Variants in ANO3 observed in about 807,000 individuals in gnomAD.
ANO3 encodes the protein anoctamin 3.
Under a neutral mutation model 144.8 loss-of-function variants are expected in ANO3, and 99 were observed. The ratio of observed to expected loss-of-function variants is 0.68; its 90% CI spans 0.58 to 0.81. The LOEUF (loss-of-function observed/expected upper bound fraction) is 0.81, where lower values mean the gene tolerates loss of function less well. Ranked by LOEUF, ANO3 falls within the 30% of genes least tolerant of loss-of-function variation. The pLI is 0.00. For synonymous variants in ANO3, 414 were observed against 392.6 expected (o/e 1.05, Z -0.64); for missense variants, 905 against 1,202.2 (o/e 0.75, Z 3.66).
upstream of ANO3, among the ~76,000 whole-genome samples, chr11:26,308,840 A>T (rs1182591100): frequency 6.6e-6 from 1 of 152,236 alleles, no homozygotes; most frequent in Non-Finnish European, 1.5e-5. Flanking sequence ...ATGAACCAGG[A>T]TCTATCCCAG....
rs532137407 is a variant in ANO3, at chr11:26,421,270, A to T, written c.47-20648A>T. On this transcript the variant is annotated intron_variant, in intron 1 of 26. Transcript: ENST00000256737. ...CTAAAATGGCTACATAGCTCAAGTA[A>T]TCACTCAGAAATACTCTTTTCAAGA... Among the ~76,000 whole-genome samples the T allele has an allele frequency of 3.5e-3, 530 of 152,204 alleles. 6 individuals carry two copies. Among genetic ancestry groups the T allele is most frequent in the African/African-American group, 0.012 (517 of 41,574 alleles).
chr11:26,384,700 A>C (rs1334922235), intron 1 of ANO3, among the ~76,000 whole-genome samples: 1 of 152,180 alleles, frequency 6.6e-6, no homozygotes, highest in Non-Finnish European at 1.5e-5. Context: ...AGGCCAAGCC[A>C]CCACAATTTT....
At chr11:26,599,992 G>A (rs755967488) in intron 17 of ANO3, among the ~76,000 whole-genome samples, 4 of 152,040 alleles carry the variant, frequency 2.6e-5, no homozygotes, top group Admixed American at 6.6e-5. Context: ...TATCTCGTGT[G>A]TGCTAGAGAT....
At chr11:26,213,967 A>T (rs920907855) in intron 1 of ANO3, among the ~76,000 whole-genome samples, 1 of 151,976 alleles carries the variant, frequency 6.6e-6, no homozygotes, top group Non-Finnish European at 1.5e-5. Context: ...GTATTTATTG[A>T]TGTGATTTCT....
chr11:26,598,737 G>T, intron 15 of ANO3, 121 bp from the exon 16 acceptor site: 1 of 905,346 alleles, frequency 1.1e-6, no homozygotes. Context: ...TTAAAAGGTT[G>T]CTTTATTGTG....
chr11:26,309,156 C>T (rs1427542546), upstream of ANO3, among the ~76,000 whole-genome samples: 2 of 152,054 alleles, frequency 1.3e-5, no homozygotes, highest in African/African-American at 4.8e-5. Flanking sequence ...AGTAGACTTT[C>T]CATTGACTTG....
At chr11:26,407,911 A>T (rs1857330606) in intron 1 of ANO3, among the ~76,000 whole-genome samples, 1 of 151,902 alleles carries the variant, frequency 6.6e-6, no homozygotes, top group African/African-American at 2.4e-5. Flanking sequence ...GTTATAACTT[A>T]TCTGTAGAAG....
intron 18 of ANO3, among the ~76,000 whole-genome samples, chr11:26,627,212 G>T (rs1030048099): frequency 6.6e-6 from 1 of 151,798 alleles, no homozygotes; most frequent in Admixed American, 6.6e-5. Flanking sequence ...CTTTGGAGTT[G>T]GATATAGCAA....
intron 1 of ANO3, among the ~76,000 whole-genome samples, chr11:26,198,281 C>T (rs1254404630): frequency 1.3e-5 from 2 of 152,056 alleles, no homozygotes; most frequent in South Asian, 2.1e-4. Context: ...TGGATATTGT[C>T]ACTCTGTATT....
At chr11:26,490,309 T>C (rs939691409) in intron 4 of ANO3, among the ~76,000 whole-genome samples, 1 of 152,208 alleles carries the variant, frequency 6.6e-6, no homozygotes, top group Non-Finnish European at 1.5e-5. Context: ...TGTGGAACTG[T>C]AAATCCAATT....
chr11:26,448,854 T>C (rs1391213722), intron 3 of ANO3, among the ~76,000 whole-genome samples: 2 of 152,230 alleles, frequency 1.3e-5, no homozygotes, highest in African/African-American at 2.4e-5. Context: ...CATTCACTGC[T>C]GCTCCTGGGT....
chr11:26,549,925 C>T (rs1849886853), intron 12 of ANO3, among the ~76,000 whole-genome samples: 1 of 151,886 alleles, frequency 6.6e-6, no homozygotes, highest in Admixed American at 6.6e-5. Flanking sequence ...TAGAGGATTT[C>T]CAAGCCCTCT....
chr11:26,466,014 T>G (rs1405061979), intron 4 of ANO3, among the ~76,000 whole-genome samples: 4 of 151,950 alleles, frequency 2.6e-5, no homozygotes, highest in Non-Finnish European at 5.9e-5. Context: ...ATTCAAAATT[T>G]TACAGATCAA....
At chr11:26,562,453 A>C (rs1217769617) in intron 14 of ANO3, among the ~76,000 whole-genome samples, 1 of 151,952 alleles carries the variant, frequency 6.6e-6, no homozygotes, top group African/African-American at 2.4e-5. Flanking sequence ...ATAAAACTGC[A>C]GATGAACCAA....
intron 1 of ANO3, among the ~76,000 whole-genome samples, chr11:26,430,266 G>C (rs955346924): frequency 1.4e-5 from 2 of 145,702 alleles, no homozygotes; most frequent in Non-Finnish European, 3.0e-5. Flanking sequence ...AAAAAAGTAA[G>C]TCTTAAAGGT....
chr11:26,643,948 C>A (rs1482801488), intron 23 of ANO3, among the ~76,000 whole-genome samples: 1 of 152,192 alleles, frequency 6.6e-6, no homozygotes, highest in Non-Finnish European at 1.5e-5. Flanking sequence ...AAGCTGGAAG[C>A]AAGGCCATCT....
In ANO3 at chr11:26,647,735, A is replaced by G. The variant is rs1234287777; in HGVS notation, c.2455A>G (p.Ile819Val). Reference protein sequence around the residue: ...IGIWLGILEGIGILAVITNAF... With the variant: ...IGIWLGILEGVGILAVITNAF... ...TATCTGGCTTGGAATTCTCGAAGGA[A>G]TCGGTATATTGGCTGTGATCACCAA... The change falls in exon 24 of 27, where the codon ATC (isoleucine) becomes GTC (valine). Residue 819 changes from isoleucine (I) to valine (V), a missense_variant. Ile to Val is a conservative substitution (Grantham distance 29). Transcript: ENST00000256737. The G allele has an allele frequency of 6.2e-7, 1 of 1,609,254 alleles. No homozygotes were observed.
chr11:26,511,435 A>G (rs939934733), intron 5 of ANO3, among the ~76,000 whole-genome samples: 1 of 152,226 alleles, frequency 6.6e-6, no homozygotes, highest in Non-Finnish European at 1.5e-5. Flanking sequence ...AAAATTTTTT[A>G]TACTCTTTCC....
intron 14 of ANO3, chr11:26,565,945 GT>G: frequency 7.0e-7 from 1 of 1,420,224 alleles, no homozygotes; most frequent in East Asian, 2.4e-5. Context: ...AATACTCTGA[GT>G]TTTTAAATGG....
Sources: gnomAD v4.1 joint callset for allele counts (sites outside exome capture counted in the v4.1 genomes callset) on GRCh38, gnomAD v4.1.1 for gene constraint, MANE v1.5 for transcripts, NCBI Gene and HGNC (gene_info 2026-07-23, HGNC 2026-07-21) for gene names.